HS6ST3: variants seen among roughly 807,000 people sequenced by gnomAD.
HS6ST3 encodes the protein heparan-sulfate 6-O-sulfotransferase 3.
A neutral mutation model predicts 36.7 loss-of-function variants in HS6ST3; 12 were observed. The ratio of observed to expected loss-of-function variants is 0.33; its 90% CI spans 0.21 to 0.53. The LOEUF is 0.53. HS6ST3 is among the 20% of genes least tolerant of loss of function. The pLI, the probability that HS6ST3 is intolerant of heterozygous loss-of-function variation, is 0.95. For missense variants in HS6ST3, 584 were observed against 640.9 expected, an observed-to-expected ratio of 0.91 and a Z score of 0.96; for synonymous variants, 240 against 257.5, an observed-to-expected ratio of 0.93 and a Z score of 0.65.
In HS6ST3 at chr13:96,352,489, C is replaced by T. The variant is rs73550659; in HGVS notation, c.707+260920C>T. Among the ~76,000 whole-genome samples the T allele has an allele frequency of 4.3e-3, 648 of 152,260 alleles. 1 individual carries two copies. The highest frequency in any genetic ancestry group is 0.015 in the African/African-American group (608 of 41,544). ...TGGCAGCTGGCTTCCCCAGAGCACG[C>T]GATCCAAGGGACACGGCGCAGTGGA... On this transcript the variant is annotated intron_variant, in intron 1 of 1. Transcript: ENST00000376705.
chr13:96,358,794 G>A (rs184276461), intron 1 of HS6ST3, among the ~76,000 whole-genome samples: 121 of 152,062 alleles, frequency 8.0e-4, no homozygotes, highest in Middle Eastern at 3.4e-3. Flanking sequence ...CTTCAAAGAC[G>A]CATGCTGAAA....
intron 1 of HS6ST3, among the ~76,000 whole-genome samples, chr13:96,566,561 A>G (rs2056282102): frequency 6.6e-6 from 1 of 152,216 alleles, no homozygotes; most frequent in Non-Finnish European, 1.5e-5. Flanking sequence ...CGAGGAAAAC[A>G]TAAAAGAAAA....
At position 96,120,676 on chromosome 13, in the gene HS6ST3, G is replaced by T. The variant is rs181710871; in HGVS notation, c.707+29107G>T. The stretch of plus-strand genomic sequence containing the variant: ...TTTGAAGAACAATGTATTTTACTTG[G>T]TTTTTTCTGCTGTGATTTAGGCATC... On this transcript the variant is annotated intron_variant, in intron 1 of 1. Transcript: ENST00000376705. Among the ~76,000 whole-genome samples, 186 of 152,026 alleles carry T rather than the reference G, an allele frequency of 1.2e-3. 1 individual carries two copies. Among genetic ancestry groups the T allele is most frequent in the East Asian group, 9.3e-3 (48 of 5,172 alleles).
At position 96,538,426 on chromosome 13, in the gene HS6ST3, A is replaced by C. The variant is rs766778596; in HGVS notation, c.708-294064A>C. Among the ~76,000 whole-genome samples, 104 of 152,330 alleles carry C rather than the reference A, an allele frequency of 6.8e-4. 2 individuals carry two copies. Among genetic ancestry groups the C allele is most frequent in the Non-Finnish European group, 3.2e-4 (22 of 68,036 alleles). On this transcript the variant is annotated intron_variant, in intron 1 of 1. Coordinates refer to ENST00000376705, the MANE Select transcript of HS6ST3 (RefSeq NM_153456.4). ...AAATATTATGATATATCCCAGTGAA[A>C]CATTTGAGCACATGAAAATTTATTT...
Position 96,610,200 on chromosome 13 carries a change from A to C in HS6ST3, c.708-222290A>C, listed in dbSNP as rs138969397. Among the ~76,000 whole-genome samples the C allele has an allele frequency of 1.3e-3, 202 of 152,328 alleles. 1 individual carries two copies. In the South Asian group the frequency reaches 0.019, roughly 15 times the overall value. On this transcript the variant is annotated intron_variant, in intron 1 of 1. Transcript: ENST00000376705. ...CTCCAAGCTTCAATTTATGCATTTCAAGGTAGAATTAGCTACCCTTCTGGG... is the reference window on the plus strand; with the variant it reads ...CTCCAAGCTTCAATTTATGCATTTCCAGGTAGAATTAGCTACCCTTCTGGG...
At chr13:96,825,876 C>G (rs1030808754) in intron 1 of HS6ST3, among the ~76,000 whole-genome samples, 2 of 152,186 alleles carry the variant, frequency 1.3e-5, no homozygotes, top group East Asian at 3.9e-4. Flanking sequence ...CTCCTGACCT[C>G]TGTAACTTGC....
intron 1 of HS6ST3, among the ~76,000 whole-genome samples, chr13:96,797,742 AACAC>A: frequency 1.3e-5 from 2 of 152,216 alleles, no homozygotes; most frequent in East Asian, 3.9e-4. Flanking sequence ...CACAGCAATC[AACAC>A]AGAAGACTTA....
intron 1 of HS6ST3, among the ~76,000 whole-genome samples, chr13:96,202,118 TA>T (rs921763986): frequency 3.3e-5 from 5 of 152,216 alleles, no homozygotes; most frequent in African/African-American, 4.8e-5. Flanking sequence ...GCAGTGGCTA[TA>T]AAAAATTATT....
intron 1 of HS6ST3, among the ~76,000 whole-genome samples, chr13:96,164,493 G>A (rs2054151737): frequency 1.3e-5 from 2 of 151,680 alleles, no homozygotes; most frequent in African/African-American, 4.8e-5. Flanking sequence ...GGAGTTTGAG[G>A]CTGCAGTTTG....
intron 1 of HS6ST3, among the ~76,000 whole-genome samples, chr13:96,655,235 G>T (rs1316465105): frequency 6.6e-6 from 1 of 152,052 alleles, no homozygotes; most frequent in African/African-American, 2.4e-5. Context: ...ATGATGATAA[G>T]GACTAGAAAG....
At chr13:96,315,347 G>A (rs1381735226) in intron 1 of HS6ST3, among the ~76,000 whole-genome samples, 1 of 152,084 alleles carries the variant, frequency 6.6e-6, no homozygotes, top group Non-Finnish European at 1.5e-5. Flanking sequence ...ATTAATATTT[G>A]CAGAATAAAC....
intron 1 of HS6ST3, among the ~76,000 whole-genome samples, chr13:96,325,100 CCAGA>C (rs2055023985): frequency 6.6e-6 from 1 of 152,008 alleles, no homozygotes; most frequent in Non-Finnish European, 1.5e-5. Context: ...TGTAACATTC[CCAGA>C]CATTCAATGA....
intron 1 of HS6ST3, among the ~76,000 whole-genome samples, chr13:96,415,489 C>A (rs948392014): frequency 2.0e-5 from 3 of 152,132 alleles, no homozygotes; most frequent in Non-Finnish European, 4.4e-5. Flanking sequence ...TGAAACACAC[C>A]ATTTTGAACG....
chr13:96,402,575 T>C (rs1180604095), intron 1 of HS6ST3, among the ~76,000 whole-genome samples: 1 of 152,214 alleles, frequency 6.6e-6, no homozygotes, highest in Non-Finnish European at 1.5e-5. Flanking sequence ...CTCTTTGCAG[T>C]CAATACACTG....
At chr13:96,532,855 T>C (rs1348083050) in intron 1 of HS6ST3, among the ~76,000 whole-genome samples, 1 of 152,104 alleles carries the variant, frequency 6.6e-6, no homozygotes, top group African/African-American at 2.4e-5. Flanking sequence ...AGGGACCCAA[T>C]TGTCTACTTA....
intron 1 of HS6ST3, among the ~76,000 whole-genome samples, chr13:96,447,870 C>T (rs1315098050): frequency 6.6e-6 from 1 of 152,168 alleles, no homozygotes; most frequent in African/African-American, 2.4e-5. Context: ...TGTCTTCTCC[C>T]TTCTTTCTTG....
chr13:96,129,544 A>G (rs1782703676), intron 1 of HS6ST3, among the ~76,000 whole-genome samples: 1 of 152,226 alleles, frequency 6.6e-6, no homozygotes, highest in South Asian at 2.1e-4. Context: ...ACCAAGAATG[A>G]TTGGGAACCA....
intron 1 of HS6ST3, among the ~76,000 whole-genome samples, chr13:96,117,608 T>G (rs998718636): frequency 1.3e-4 from 20 of 152,152 alleles, no homozygotes; most frequent in African/African-American, 4.8e-4. Context: ...GATGAATGAC[T>G]GCAGCACATG....
intron 1 of HS6ST3, among the ~76,000 whole-genome samples, chr13:96,122,295 C>T (rs2053929733): frequency 1.3e-5 from 2 of 151,906 alleles, no homozygotes; most frequent in South Asian, 4.2e-4. Context: ...TACTTCTTTC[C>T]AGCTATGGCT....
Sources: gnomAD v4.1 joint callset for allele counts (sites outside exome capture counted in the v4.1 genomes callset) on GRCh38, gnomAD v4.1.1 for gene constraint, MANE v1.5 for transcripts, NCBI Gene and HGNC (gene_info 2026-07-23, HGNC 2026-07-21) for gene names.